The following DENND1A variants were observed in gnomAD, a reference collection of about 807,000 sequenced individuals.
DENND1A encodes the protein DENN domain-containing protein 1A.
A neutral mutation model predicts 113.7 loss-of-function variants in DENND1A; 51 were observed. That is an observed-to-expected ratio of 0.45 (90% CI 0.36 to 0.57). DENND1A has a LOEUF of 0.57. Among genes scored for constraint, DENND1A ranks in the 20% least tolerant of loss-of-function variants. DENND1A has a pLI of 0.00. For synonymous variants in DENND1A, 565 were observed against 570.8 expected, an observed-to-expected ratio of 0.99 and a Z score of 0.14; for missense variants, 1,258 against 1,395.9, an observed-to-expected ratio of 0.90 and a Z score of 1.57.
At chr9:123,476,348 G>A (rs928891602) in intron 13 of DENND1A, among the ~76,000 whole-genome samples, 2 of 152,176 alleles carry the variant, frequency 1.3e-5, no homozygotes, top group Non-Finnish European at 1.5e-5. Context: ...AGCAGGCTGG[G>A]CTGACTGATC....
At chr9:123,771,328 ATAC>A (rs1307377856) in intron 3 of DENND1A, among the ~76,000 whole-genome samples, 1 of 152,220 alleles carries the variant, frequency 6.6e-6, no homozygotes, top group Non-Finnish European at 1.5e-5. Flanking sequence ...ATTATAAAGT[ATAC>A]TACAATTCAC....
At position 123,381,411 on chromosome 9, in the gene DENND1A, C is replaced by G. The variant is rs1454715537; in HGVS notation, c.*21G>C. 4 of 1,609,346 alleles carry G rather than the reference C, an allele frequency of 2.5e-6. No individual in the cohort carries two copies. The highest frequency in any genetic ancestry group is 2.2e-5 in the East Asian group (1 of 44,838). On this transcript the variant is annotated 3_prime_UTR_variant, in exon 24 of 24. Transcript: ENST00000394215. The surrounding 1 kb of genome is among the most constrained non-coding windows in gnomAD (Gnocchi z 4.7). ...GACGGACCCTCGGGCCTCGGTGCAT[C>G]CCCCACCCTCAGGGCCCGGCTCACT...
chr9:123,538,853 T>TAC (rs1169453295), intron 13 of DENND1A, among the ~76,000 whole-genome samples: 3 of 106,188 alleles, frequency 2.8e-5, no homozygotes, highest in Non-Finnish European at 3.9e-5. Context: ...TATATATATA[T>TAC]ATATATGAAT....
chr9:123,891,258 C>T (rs1037995879), intron 1 of DENND1A, among the ~76,000 whole-genome samples: 1 of 152,178 alleles, frequency 6.6e-6, no homozygotes, highest in East Asian at 1.9e-4. Context: ...CTTGCCTCTC[C>T]CTCTGCCACT....
chr9:123,409,494 G>A (rs2044138685), intron 20 of DENND1A, among the ~76,000 whole-genome samples: 1 of 151,242 alleles, frequency 6.6e-6, no homozygotes, highest in Non-Finnish European at 1.5e-5. Context: ...CAAACTGAAA[G>A]CTGAAACTAT....
intron 13 of DENND1A, among the ~76,000 whole-genome samples, chr9:123,520,147 CAAAAAAAAAAAAA>C (rs777054330): frequency 1.3e-4 from 5 of 37,318 alleles, no homozygotes; most frequent in Middle Eastern, 0.053. Flanking sequence ...GATCCTGTCT[CAAAAAAAAAAAAA>C]AAAAAAAAAA....
intron 2 of DENND1A, among the ~76,000 whole-genome samples, chr9:123,796,510 C>A (rs762226999): frequency 3.9e-5 from 6 of 152,130 alleles, no homozygotes; most frequent in Non-Finnish European, 8.8e-5. Context: ...ACTTTTAAAT[C>A]TTTAAGATAT....
At position 123,555,381 on chromosome 9, in the gene DENND1A, A is replaced by C. The variant is rs544241899; in HGVS notation, c.993+2189T>G. Among the ~76,000 whole-genome samples, 73 of 152,312 alleles carry C rather than the reference A, an allele frequency of 4.8e-4. 1 individual carries two copies. The highest frequency in any genetic ancestry group is 1.6e-3 in the African/African-American group (67 of 41,568). ...TAGCGTAGCATCCAAGGCTCCGCCA[A>C]ATTTGGCTCTATCCTCTCCTGCAGC... On this transcript the variant is annotated intron_variant, in intron 13 of 23. Coordinates refer to ENST00000394215, the MANE Select transcript of DENND1A (RefSeq NM_001352964.2).
At chr9:123,466,515 G>C (rs2048963476) in intron 13 of DENND1A, among the ~76,000 whole-genome samples, 2 of 152,046 alleles carry the variant, frequency 1.3e-5, no homozygotes, top group African/African-American at 2.4e-5. Context: ...GGTCAGGCTG[G>C]TCTCAAACTG....
intron 9 of DENND1A, among the ~76,000 whole-genome samples, chr9:123,648,333 T>C (rs1359145836): frequency 6.6e-6 from 1 of 152,212 alleles, no homozygotes; most frequent in Non-Finnish European, 1.5e-5. Flanking sequence ...CACTTTGGCC[T>C]CCCAAAATGT....
intron 13 of DENND1A, among the ~76,000 whole-genome samples, chr9:123,467,277 G>A (rs2049035186): frequency 6.6e-6 from 1 of 152,130 alleles, no homozygotes; most frequent in Admixed American, 6.5e-5. Context: ...AATTGTATGG[G>A]GTTGGGATGG....
rs555319944 is a variant in DENND1A, at chr9:123,421,325, G to A, written c.1489-9496C>T. On this transcript the variant is annotated intron_variant, in intron 19 of 23. Coordinates refer to ENST00000394215, the MANE Select transcript of DENND1A (RefSeq NM_001352964.2). ...GTCACTCAGTGACTTGCCCAGGCCCGGCCTGACAGCTAACGGGTGGCAGAG... is the reference window on the plus strand; with the variant it reads ...GTCACTCAGTGACTTGCCCAGGCCCAGCCTGACAGCTAACGGGTGGCAGAG... Among the ~76,000 whole-genome samples, 15 of 152,046 alleles carry A rather than the reference G, an allele frequency of 9.9e-5. No individual in the cohort carries two copies. The Middle Eastern group carries it at 0.01, about 103-fold the overall frequency.
At chr9:123,695,982 C>CAA (rs59667113) in intron 5 of DENND1A, among the ~76,000 whole-genome samples, 1,235 of 106,538 alleles carry the variant, frequency 0.012, 23 homozygotes, top group African/African-American at 0.035. Context: ...TCTGTTAATA[C>CAA]AAAAAAAAAA....
chr9:123,547,957 C>T (rs2056809404), intron 13 of DENND1A, among the ~76,000 whole-genome samples: 1 of 152,186 alleles, frequency 6.6e-6, no homozygotes, highest in Non-Finnish European at 1.5e-5. Flanking sequence ...CATATTATTG[C>T]TATTTTTCTC....
intron 1 of DENND1A, among the ~76,000 whole-genome samples, chr9:123,929,304 A>T (rs1857603341): frequency 6.6e-6 from 1 of 152,236 alleles, no homozygotes; most frequent in Non-Finnish European, 1.5e-5. Context: ...ACACAGAGGT[A>T]TCCTCCTTCA....
intron 1 of DENND1A, among the ~76,000 whole-genome samples, chr9:123,923,021 T>C (rs888859454): frequency 1.3e-5 from 2 of 152,218 alleles, no homozygotes; most frequent in African/African-American, 2.4e-5. Context: ...TCCATGTCCC[T>C]ACAAAGCCCC....
intron 2 of DENND1A, among the ~76,000 whole-genome samples, chr9:123,861,593 C>T (rs1291881589): frequency 6.6e-6 from 1 of 152,072 alleles, no homozygotes; most frequent in Non-Finnish European, 1.5e-5. Context: ...AGACAATGAC[C>T]ATATTGTGGA....
intron 13 of DENND1A, among the ~76,000 whole-genome samples, chr9:123,463,824 A>C (rs2048722725): frequency 6.7e-6 from 1 of 148,976 alleles, no homozygotes; most frequent in Non-Finnish European, 1.5e-5. Flanking sequence ...CAGGAGAATC[A>C]CTTGAACTCG....
chr9:123,677,291 T>A (rs1589628701), intron 5 of DENND1A, among the ~76,000 whole-genome samples: 1 of 152,114 alleles, frequency 6.6e-6, no homozygotes, highest in African/African-American at 2.4e-5. Context: ...TCACACACCA[T>A]CTCTCTATCT....
Sources: gnomAD v4.1 joint callset for allele counts (sites outside exome capture counted in the v4.1 genomes callset) on GRCh38, gnomAD v4.1.1 for gene constraint, Gnocchi (gnomAD v3.1) non-coding constraint, MANE v1.5 for transcripts, NCBI Gene and HGNC (gene_info 2026-07-23, HGNC 2026-07-21) for gene names.